F13A1: variants seen among roughly 807,000 people sequenced by gnomAD.
The protein encoded by F13A1 is FSF, A subunit.
Under a neutral mutation model 80.1 loss-of-function variants are expected in F13A1, and 47 were observed. The ratio of observed to expected loss-of-function variants is 0.59; its 90% CI spans 0.46 to 0.75. The LOEUF (loss-of-function observed/expected upper bound fraction) is 0.75, where lower values mean the gene tolerates loss of function less well. F13A1 is among the 30% of genes least tolerant of loss of function. The pLI is 0.00. For synonymous variants in F13A1, 349 were observed against 344.9 expected (o/e 1.01, Z -0.13); for missense variants, 817 against 930.4 (o/e 0.88, Z 1.59).
intron 4 of F13A1, among the ~76,000 whole-genome samples, chr6:6,265,262 T>A (rs1352760707): frequency 2.6e-5 from 4 of 152,132 alleles, no homozygotes; most frequent in Non-Finnish European, 5.9e-5. Context: ...AAATCAGCAA[T>A]AATATGGGCT....
At chr6:6,235,989 C>CA (rs919832403) in intron 6 of F13A1, among the ~76,000 whole-genome samples, 2 of 151,918 alleles carry the variant, frequency 1.3e-5, no homozygotes, top group African/African-American at 4.8e-5. Context: ...ACTACTGAAA[C>CA]AAAAAACAGC....
At chr6:6,237,183 A>T (rs1279558392) in intron 6 of F13A1, among the ~76,000 whole-genome samples, 2 of 152,182 alleles carry the variant, frequency 1.3e-5, no homozygotes, top group Admixed American at 6.5e-5. Flanking sequence ...TTAAAAGGTC[A>T]CAGTTCTGGG....
chr6:6,274,922 C>T (rs546974734), intron 3 of F13A1, among the ~76,000 whole-genome samples: 209 of 152,216 alleles, frequency 1.4e-3, no homozygotes, highest in Non-Finnish European at 1.1e-3. Context: ...ACTCAGGATA[C>T]CTGTGGCAGA....
At chr6:6,212,398 G>A (rs1321053228) in intron 8 of F13A1, among the ~76,000 whole-genome samples, 2 of 151,772 alleles carry the variant, frequency 1.3e-5, no homozygotes, top group African/African-American at 2.4e-5. Flanking sequence ...CTAACTGGGA[G>A]GCACCCCCCA....
chr6:6,270,533 AG>A (rs1301841987), intron 3 of F13A1, among the ~76,000 whole-genome samples: 2 of 152,236 alleles, frequency 1.3e-5, no homozygotes, highest in African/African-American at 4.8e-5. Context: ...ATAAAGTGAC[AG>A]GAAATAAGTT....
intron 13 of F13A1, 21 bp downstream of exon 13, chr6:6,167,437 G>C: frequency 2.5e-6 from 4 of 1,612,774 alleles, no homozygotes; most frequent in Non-Finnish European, 3.4e-6. Flanking sequence ...CTCTGTTCCA[G>C]GATGAGACGC....
chr6:6,232,148 T>C (rs1167660604), intron 6 of F13A1, among the ~76,000 whole-genome samples: 2 of 152,190 alleles, frequency 1.3e-5, no homozygotes, highest in Admixed American at 1.3e-4. Context: ...ATTTAAAAGA[T>C]ACAGAACTGA....
In F13A1 at chr6:6,319,948, G is replaced by A. The variant is rs116400880; in HGVS notation, c.-19+639C>T. 5.0e-3 allele frequency among the ~76,000 whole-genome samples: 764 copies of A among 152,364 alleles called. 10 individuals carry two copies. The highest frequency in any genetic ancestry group is 0.018 in the African/African-American group (734 of 41,576). ...AGAAGGCTGCGAGAGCCATCCTCTA[G>A]TGAGAAATACCGAAGGTAGGCTGCG... On this transcript the variant is annotated intron_variant, in intron 1 of 14. Coordinates refer to ENST00000264870, the MANE Select transcript of F13A1 (RefSeq NM_000129.4).
chr6:6,145,728 C>A lies in F13A1; in HGVS notation c.2090G>T (p.Arg697Leu), dbSNP rs768408371. Residue 697 changes from arginine to leucine, a missense_variant, in exon 15 of 15, where the codon CGG becomes CTG. Arg to Leu is a moderately radical substitution (Grantham distance 102). Coordinates refer to ENST00000264870, the MANE Select transcript of F13A1 (RefSeq NM_000129.4). The part of the protein sequence containing the change: ...NSTVQWEEVC[R>L]PWVSGHRKLI... Reference sequence around the variant, plus strand: ...CTTCCGATGCCCAGAGACCCAGGGCCGGCACACTTCTTCCCACTGCACGGT... The same window carrying A: ...CTTCCGATGCCCAGAGACCCAGGGCAGGCACACTTCTTCCCACTGCACGGT... 6.2e-7 allele frequency: 1 copy of A among 1,614,096 alleles called. No homozygotes were observed. Among genetic ancestry groups the A allele is most frequent in the East Asian group, 2.2e-5 (1 of 44,878 alleles).
intron 10 of F13A1, 113 bp from the exon 11 acceptor site, chr6:6,182,254 C>A: frequency 8.8e-7 from 1 of 1,137,234 alleles, no homozygotes; most frequent in Non-Finnish European, 1.3e-6. Context: ...ATGCCCCTTT[C>A]TTCAACAACA....
chr6:6,264,447 G>C (rs1200396494), intron 4 of F13A1, among the ~76,000 whole-genome samples: 1 of 152,116 alleles, frequency 6.6e-6, no homozygotes, highest in Non-Finnish European at 1.5e-5. Context: ...TCTTAGAATA[G>C]GTTGCTTCCT....
intron 12 of F13A1, 99 bp downstream of exon 12, chr6:6,174,481 A>C: frequency 7.6e-7 from 1 of 1,307,568 alleles, no homozygotes; most frequent in Non-Finnish European, 1.1e-6. Context: ...TCTTGGAGGG[A>C]ACTTTAACTT....
At position 6,224,772 on chromosome 6, in the gene F13A1, C is replaced by T. The variant is rs535694758; in HGVS notation, c.887G>A (p.Ser296Asn). The change falls in exon 7 of 15, where the codon AGC (serine) becomes AAC (asparagine). Residue 296 changes from serine to asparagine, a missense_variant. Ser to Asn is a conservative substitution (Grantham distance 46, BLOSUM62 1). Coordinates refer to ENST00000264870, the MANE Select transcript of F13A1 (RefSeq NM_000129.4). ...CCGGTATTCCAATAGAATGTCAACGCTTCCAGTCCAGGCCGATGGGGGGAC... is the reference window on the plus strand; with the variant it reads ...CCGGTATTCCAATAGAATGTCAACGTTTCCAGTCCAGGCCGATGGGGGGAC... ...YGVPPSAWTG[S>N]VDILLEYRSS... The T allele has an allele frequency of 6.2e-7, 1 of 1,614,118 alleles. No individual in the cohort carries two copies. The highest frequency in any genetic ancestry group is 1.1e-5 in the South Asian group (1 of 91,086).
At chr6:6,156,780 T>G (rs912909490) in intron 13 of F13A1, among the ~76,000 whole-genome samples, 1 of 152,218 alleles carries the variant, frequency 6.6e-6, no homozygotes, top group South Asian at 2.1e-4. Flanking sequence ...ATAATTAAAT[T>G]AATTAAAATT....
chr6:6,316,256 G>A (rs1285190614), intron 2 of F13A1, among the ~76,000 whole-genome samples: 2 of 149,786 alleles, frequency 1.3e-5, no homozygotes, highest in Non-Finnish European at 3.0e-5. Flanking sequence ...TTAAATGAAT[G>A]CATATGTATG....
chr6:6,171,172 G>A (rs1760765621), intron 12 of F13A1, among the ~76,000 whole-genome samples: 1 of 152,206 alleles, frequency 6.6e-6, no homozygotes, highest in Non-Finnish European at 1.5e-5. Context: ...AAGGATCTGT[G>A]CTAGACTCCA....
At chr6:6,159,428 A>G (rs551667004) in intron 13 of F13A1, among the ~76,000 whole-genome samples, 34 of 152,224 alleles carry the variant, frequency 2.2e-4, no homozygotes, top group Admixed American at 7.8e-4. Flanking sequence ...GATGGTTGTT[A>G]AGAAAAAACA....
chr6:6,248,284 A>G, intron 6 of F13A1, 28 bp downstream of exon 6: 4 of 1,579,740 alleles, frequency 2.5e-6, no homozygotes, highest in African/African-American at 1.3e-5. Flanking sequence ...GGTGTAACAG[A>G]TTTTAGGTAT....
chr6:6,283,620 ACAATACATGT>A (rs1269495993), intron 3 of F13A1, among the ~76,000 whole-genome samples: 1 of 152,194 alleles, frequency 6.6e-6, no homozygotes, highest in East Asian at 1.9e-4. Flanking sequence ...TTAAACAACA[ACAATACATGT>A]ACCCAATTTT....
Sources: allele counts gnomAD v4.1 joint callset (sites outside exome capture counted in the v4.1 genomes callset), GRCh38; gene constraint gnomAD v4.1.1; transcripts MANE v1.5; gene names NCBI Gene and HGNC (gene_info 2026-07-23, HGNC 2026-07-21).